Variants in LOC128462377 observed in about 807,000 individuals in gnomAD.
At chr16:89,364,274 T>C in the LOC128462377 span, among the ~76,000 whole-genome samples, 1 of 152,196 alleles carries the variant, frequency 6.6e-6, no homozygotes, top group Non-Finnish European at 1.5e-5. Context: ...ATCAGCCTAA[T>C]GCAGCTTCAT....
At chr16:89,354,948 G>A in the LOC128462377 span, among the ~76,000 whole-genome samples, 1 of 152,270 alleles carries the variant, frequency 6.6e-6, no homozygotes, top group South Asian at 2.1e-4. Flanking sequence ...CAAAGAAAAT[G>A]CCCCCAAAGG....
At chr16:89,387,692 GA>G in the LOC128462377 span, among the ~76,000 whole-genome samples, 2,539 of 67,510 alleles carry the variant, frequency 0.038, 24 homozygotes, top group East Asian at 0.065. Context: ...AAAAGAAAAA[GA>G]AAAAAAAAAA....
the LOC128462377 span, among the ~76,000 whole-genome samples, chr16:89,396,455 G>A: frequency 6.0e-4 from 92 of 152,226 alleles, no homozygotes; most frequent in Middle Eastern, 6.8e-3. Flanking sequence ...ACACCTGCTG[G>A]GTTTTGGTGT....
At chr16:89,384,099 A>T in the LOC128462377 span, among the ~76,000 whole-genome samples, 3,863 of 152,312 alleles carry the variant, frequency 0.025, 62 homozygotes, top group Non-Finnish European at 0.037. Flanking sequence ...AGGCGCTTGT[A>T]ATCCCAGCTA....
At chr16:89,332,920 G>A in the LOC128462377 span, among the ~76,000 whole-genome samples, 5 of 152,226 alleles carry the variant, frequency 3.3e-5, no homozygotes, top group Non-Finnish European at 7.3e-5. Flanking sequence ...AGTTGAGAAC[G>A]TAGTTACAAA....
the LOC128462377 span, among the ~76,000 whole-genome samples, chr16:89,352,150 C>G: frequency 6.6e-6 from 1 of 152,112 alleles, no homozygotes; most frequent in Non-Finnish European, 1.5e-5. Flanking sequence ...CTCAGCCTCC[C>G]AAATGCTGGG....
At chr16:89,321,636 A>G in the LOC128462377 span, among the ~76,000 whole-genome samples, 5 of 152,164 alleles carry the variant, frequency 3.3e-5, no homozygotes, top group Non-Finnish European at 5.9e-5. Context: ...TGTTCTGCAC[A>G]CTAACACCTG....
the LOC128462377 span, among the ~76,000 whole-genome samples, chr16:89,389,433 A>G: frequency 1.3e-5 from 2 of 152,194 alleles, no homozygotes; most frequent in Non-Finnish European, 1.5e-5. Context: ...AAAAAAGTCA[A>G]TCAAAAGCTA....
chr16:89,378,866 G>C, the LOC128462377 span, among the ~76,000 whole-genome samples: 1 of 152,114 alleles, frequency 6.6e-6, no homozygotes, highest in East Asian at 1.9e-4. Context: ...TGATGGGTGG[G>C]GCGAGGTGGG....
the LOC128462377 span, among the ~76,000 whole-genome samples, chr16:89,327,178 C>T: frequency 6.6e-6 from 1 of 152,184 alleles, no homozygotes; most frequent in Non-Finnish European, 1.5e-5. Context: ...AACCATCAAT[C>T]AGTCAACGTC....
chr16:89,372,814 C>G, the LOC128462377 span: 10 of 152,188 alleles, frequency 6.6e-5, no homozygotes. Context: ...GAAAGCCACC[C>G]TGTGGCAGGG....
the LOC128462377 span, among the ~76,000 whole-genome samples, chr16:89,365,806 C>T: frequency 6.6e-6 from 1 of 152,074 alleles, no homozygotes. Context: ...TATTTCATCA[C>T]CCAGGTGTTA....
chr16:89,358,995 T>G, the LOC128462377 span, among the ~76,000 whole-genome samples: 4 of 152,096 alleles, frequency 2.6e-5, no homozygotes, highest in African/African-American at 9.7e-5. Flanking sequence ...CTGGCTAATT[T>G]TCTATTTTTT....
the LOC128462377 span, among the ~76,000 whole-genome samples, chr16:89,416,880 G>A: frequency 2.6e-5 from 4 of 152,068 alleles, no homozygotes; most frequent in Non-Finnish European, 5.9e-5. Flanking sequence ...CCTGGGGTGT[G>A]GGGTGCTCCC....
At chr16:89,402,010 A>C in the LOC128462377 span, among the ~76,000 whole-genome samples, 1 of 144,750 alleles carries the variant, frequency 6.9e-6, no homozygotes, top group Non-Finnish European at 1.5e-5. Flanking sequence ...GCCGTGGGAG[A>C]ACAGATCCTT....
At chr16:89,410,910 G>A in the LOC128462377 span, among the ~76,000 whole-genome samples, 1,377 of 152,318 alleles carry the variant, frequency 9.0e-3, 33 homozygotes, top group African/African-American at 0.031. Flanking sequence ...CTTATGTACT[G>A]GGCCACAGAA....
chr16:89,365,334 G>C, the LOC128462377 span, among the ~76,000 whole-genome samples: 3 of 152,198 alleles, frequency 2.0e-5, no homozygotes, highest in African/African-American at 4.8e-5. Context: ...CAGAGGCAGA[G>C]CTCTCACCTT....
the LOC128462377 span, among the ~76,000 whole-genome samples, chr16:89,383,901 T>G: frequency 2.2e-4 from 34 of 152,284 alleles, no homozygotes; most frequent in South Asian, 5.0e-3. Flanking sequence ...AAACACCCGC[T>G]AGGGCCTTGT....
the LOC128462377 span, among the ~76,000 whole-genome samples, chr16:89,387,212 G>A: frequency 6.6e-6 from 1 of 151,490 alleles, no homozygotes; most frequent in African/African-American, 2.4e-5. Flanking sequence ...CACACAGGAA[G>A]ATCTGGAGTG....
Sources: gnomAD v4.1 joint callset for allele counts (sites outside exome capture counted in the v4.1 genomes callset) on GRCh38, gnomAD v4.1.1 for gene constraint, MANE v1.5 for transcripts.